Variants in GAB1 observed in about 807,000 individuals in gnomAD.
GAB1 encodes the protein GRB2-associated-binding protein 1.
Under a neutral mutation model 66.5 loss-of-function variants are expected in GAB1, and 19 were observed. That is an observed-to-expected ratio of 0.29 (90% CI 0.20 to 0.42). The LOEUF (loss-of-function observed/expected upper bound fraction) is 0.42. Ranked by LOEUF, GAB1 falls within the 10% of genes least tolerant of loss-of-function variation. The pLI, the probability that GAB1 is intolerant of heterozygous loss-of-function variation, is 1.00. For missense variants in GAB1, 732 were observed against 858.5 expected, an observed-to-expected ratio of 0.85 and a Z score of 1.84; for synonymous variants, 294 against 301.4, an observed-to-expected ratio of 0.98 and a Z score of 0.25.
rs565898570 is a variant in GAB1 at position 143,367,875 on chromosome 4, C to T, written c.72+30615C>T. 9.2e-5 allele frequency among the ~76,000 whole-genome samples: 14 copies of T among 152,116 alleles called. No individual in the cohort carries two copies. In the East Asian group the frequency reaches 2.7e-3, roughly 29 times the overall value. ...AAGTAGCTGGGACTACAGGTGCCCA[C>T]CACCATGCCTGGCTAATTTTTTGTA... On this transcript the variant is annotated intron_variant, in intron 1 of 9. Transcript: ENST00000262994.
At position 143,438,486 on chromosome 4, in the gene GAB1, A is replaced by G; in HGVS notation, c.1081A>G (p.Ser361Gly). ...AHDRSPVETC[S>G]IPRTASDTDS... ...TGACCGATCTCCTGTGGAAACGTGT[A>G]GTATCCCACGCACCGCCTCAGACAC... Residue 361 changes from serine to glycine, a missense_variant, in exon 4 of 10, where the codon AGT becomes GGT. Transcript: ENST00000262994. The G allele has an allele frequency of 6.2e-7, 1 of 1,614,016 alleles. No homozygotes were observed.
At chr4:143,447,465 T>G (rs1734626323) in intron 6 of GAB1, among the ~76,000 whole-genome samples, 1 of 152,346 alleles carries the variant, frequency 6.6e-6, no homozygotes, top group Non-Finnish European at 1.5e-5. Context: ...TCCTCTTTTA[T>G]TTCTTTGAGC....
rs1320213879 is a variant in GAB1 at position 143,471,263 on chromosome 4, G to A, written c.*2074G>A. Reference sequence around the variant, plus strand: ...AAGTCACCATATTTGAAGATCTGTAGCACTCTGATTTTCAGAAAATTTTTC... The same window carrying A: ...AAGTCACCATATTTGAAGATCTGTAACACTCTGATTTTCAGAAAATTTTTC... On this transcript the variant is annotated 3_prime_UTR_variant, in exon 10 of 10. Coordinates refer to ENST00000262994, the MANE Select transcript of GAB1 (RefSeq NM_002039.4). The A allele has an allele frequency of 6.6e-6, 1 of 152,108 alleles. No individual in the cohort carries two copies. Among genetic ancestry groups the A allele is most frequent in the Non-Finnish European group, 1.5e-5 (1 of 67,998 alleles). 9.4% of individuals were successfully genotyped at this position (152,108 alleles called of 1,614,324 possible). A position where few individuals can be genotyped will look rare whatever the true frequency, so the allele number is the denominator to read the frequency against.
intron 8 of GAB1, among the ~76,000 whole-genome samples, chr4:143,463,503 A>T (rs1735612264): frequency 6.6e-6 from 1 of 151,678 alleles, no homozygotes; most frequent in South Asian, 2.1e-4. Flanking sequence ...GGCGCCTGTA[A>T]TCCCAGTTAC....
At chr4:143,380,254 C>T (rs1479795771) in intron 1 of GAB1, among the ~76,000 whole-genome samples, 1 of 151,800 alleles carries the variant, frequency 6.6e-6, no homozygotes, top group Non-Finnish European at 1.5e-5. Context: ...TTTAATTTTA[C>T]TTATCAGATT....
chr4:143,404,842 T>C (rs1292377095), intron 1 of GAB1, among the ~76,000 whole-genome samples: 1 of 152,224 alleles, frequency 6.6e-6, no homozygotes, highest in African/African-American at 2.4e-5. Context: ...AATCAGTTCC[T>C]CAGTTGCATC....
intron 2 of GAB1, among the ~76,000 whole-genome samples, chr4:143,431,120 G>A (rs550731589): frequency 1.1e-4 from 17 of 152,188 alleles, no homozygotes; most frequent in African/African-American, 4.1e-4. Context: ...TAGCTACACA[G>A]ACAGGCAGAA....
At chr4:143,392,918 T>C (rs1345158149) in intron 1 of GAB1, among the ~76,000 whole-genome samples, 2 of 152,156 alleles carry the variant, frequency 1.3e-5, no homozygotes, top group African/African-American at 4.8e-5. Context: ...CTTACTGAGA[T>C]TTTTACTTTC....
rs1250688006 is a variant in GAB1 at position 143,457,646 on chromosome 4, A to G, written c.1586-1739A>G. ...ATCCATTTTCCAATTAATAAATAAC[A>G]TTATATTAAGAGAGTCTTCTTTTTA... On this transcript the variant is annotated intron_variant, in intron 6 of 9. Coordinates refer to ENST00000262994, the MANE Select transcript of GAB1 (RefSeq NM_002039.4). 7.2e-6 allele frequency: 6 copies of G among 836,820 alleles called. No individual in the cohort carries two copies. The African/African-American group carries it at 7.6e-5, about 11-fold the overall frequency. The allele number at this position is 836,820 out of a possible 1,614,324, so 51.8% of individuals were successfully genotyped here.
chr4:143,436,831 G>T (rs1210132541), intron 3 of GAB1, among the ~76,000 whole-genome samples: 1 of 152,140 alleles, frequency 6.6e-6, no homozygotes, highest in African/African-American at 2.4e-5. Context: ...TTGGAATTTG[G>T]TAAGATGATG....
chr4:143,460,125 G>GT (rs1203819604), intron 7 of GAB1, among the ~76,000 whole-genome samples: 1 of 151,760 alleles, frequency 6.6e-6, no homozygotes, highest in African/African-American at 2.4e-5. Context: ...ACTGGCAGTG[G>GT]TTTTTTTGTT....
At chr4:143,394,698 C>A (rs1183955653) in intron 1 of GAB1, 1 of 151,992 alleles carries the variant, frequency 6.6e-6, no homozygotes. Flanking sequence ...TCTGCTTGTT[C>A]TTTCAAGTAG....
intron 2 of GAB1, among the ~76,000 whole-genome samples, 187 bp from the exon 3 acceptor site, chr4:143,433,304 C>A (rs1295360578): frequency 6.6e-6 from 1 of 152,172 alleles, no homozygotes; most frequent in Non-Finnish European, 1.5e-5. Context: ...CTCTTTAGAT[C>A]TCTTTGACAA....
chr4:143,464,430 A>G (rs964332612), intron 8 of GAB1, among the ~76,000 whole-genome samples: 3 of 152,022 alleles, frequency 2.0e-5, no homozygotes, highest in Admixed American at 6.5e-5. Flanking sequence ...GGGTTTCACC[A>G]TGTTGGCCAG....
At chr4:143,437,977 G>A (rs952720607) in intron 3 of GAB1, 22 bp from the exon 4 acceptor site, 9 of 1,593,952 alleles carry the variant, frequency 5.6e-6, no homozygotes, top group Middle Eastern at 1.7e-4. Flanking sequence ...TGTTTATTCT[G>A]TCATTAACAA....
At chr4:143,432,810 A>G (rs746603980) in intron 2 of GAB1, among the ~76,000 whole-genome samples, 51 of 152,212 alleles carry the variant, frequency 3.4e-4, no homozygotes, top group Non-Finnish European at 2.5e-4. Context: ...TATTTCTCTC[A>G]GAACATAGTT....
chr4:143,368,945 C>A (rs913602285), intron 1 of GAB1, among the ~76,000 whole-genome samples: 1 of 151,918 alleles, frequency 6.6e-6, no homozygotes, highest in African/African-American at 2.4e-5. Context: ...TCACCACACC[C>A]GGCCAATTTT....
At chr4:143,423,800 A>G (rs1163598186) in intron 2 of GAB1, among the ~76,000 whole-genome samples, 59 of 33,316 alleles carry the variant, frequency 1.8e-3, no homozygotes, top group Non-Finnish European at 2.7e-3. Context: ...GTGTATATAT[A>G]TATATATATA....
chr4:143,457,615 T>TTA, intron 6 of GAB1: 3 of 497,708 alleles, frequency 6.0e-6, no homozygotes, highest in Non-Finnish European at 6.5e-6. Flanking sequence ...TTTTTTTTTT[T>TTA]ACAGAATCCA....
Sources: gnomAD v4.1 joint callset for allele counts (sites outside exome capture counted in the v4.1 genomes callset) on GRCh38, gnomAD v4.1.1 for gene constraint, MANE v1.5 for transcripts, NCBI Gene and HGNC (gene_info 2026-07-23, HGNC 2026-07-21) for gene names.